Variants in MACROD2 observed in about 807,000 individuals in gnomAD.
MACROD2 encodes mono-ADP ribosylhydrolase 2.
A neutral mutation model predicts 70.4 loss-of-function variants in MACROD2; 36 were observed. The observed-to-expected ratio is 0.51, with a 90% CI of 0.39 to 0.68. The LOEUF (loss-of-function observed/expected upper bound fraction) is 0.68, where lower values mean the gene tolerates loss of function less well. Ranked by LOEUF, MACROD2 falls within the 30% of genes least tolerant of loss-of-function variation. MACROD2 has a pLI of 0.00. For missense variants in MACROD2, 496 were observed against 538.4 expected (o/e 0.92, Z 0.78); for synonymous variants, 172 against 178.8 (o/e 0.96, Z 0.30).
At chr20:15,899,179 T>C (rs1267855120) in intron 10 of MACROD2, among the ~76,000 whole-genome samples, 1 of 147,370 alleles carries the variant, frequency 6.8e-6, no homozygotes, top group Non-Finnish European at 1.5e-5. Flanking sequence ...GCTATGTATA[T>C]GTATGTATGC....
chr20:14,767,677 C>T (rs1489830263), intron 5 of MACROD2, among the ~76,000 whole-genome samples: 1 of 151,704 alleles, frequency 6.6e-6, no homozygotes. Flanking sequence ...TTCTGGAGTA[C>T]ATATGCAGAA....
chr20:15,167,954 G>A (rs1019833103), intron 5 of MACROD2, among the ~76,000 whole-genome samples: 16 of 152,184 alleles, frequency 1.1e-4, no homozygotes, highest in Non-Finnish European at 2.2e-4. Context: ...TGTGGAATAT[G>A]TAAAATTAGA....
intron 2 of MACROD2, among the ~76,000 whole-genome samples, chr20:14,019,157 A>G (rs1300921405): frequency 1.3e-5 from 2 of 152,184 alleles, no homozygotes; most frequent in Admixed American, 1.3e-4. Context: ...GATAGAGCCT[A>G]TTTATCAAGA....
intron 6 of MACROD2, among the ~76,000 whole-genome samples, chr20:15,344,935 G>T (rs900669896): frequency 3.3e-5 from 5 of 152,188 alleles, no homozygotes; most frequent in African/African-American, 1.2e-4. Context: ...ATGAACAACA[G>T]AAATGTATTC....
rs368962171 is a variant in MACROD2 at position 14,863,597 on chromosome 20, G to T, written c.418+178638G>T. 2.5e-4 allele frequency among the ~76,000 whole-genome samples: 38 copies of T among 152,094 alleles called. No homozygotes were observed. The East Asian group carries it at 6.6e-3, about 26-fold the overall frequency. On this transcript the variant is annotated intron_variant, in intron 5 of 17. Transcript: ENST00000684519. ...TCCAGAAAAATATAGTTACATAAAT[G>T]TGAGTTTCCAAATTGTAAAGAAGAA... is the stretch of plus-strand genomic sequence containing the variant.
chr20:14,184,629 C>A (rs2081330668), intron 3 of MACROD2, among the ~76,000 whole-genome samples: 1 of 151,856 alleles, frequency 6.6e-6, no homozygotes, highest in Non-Finnish European at 1.5e-5. Flanking sequence ...GCAGTAGGGC[C>A]ATTTTCACGA....
At chr20:14,382,358 A>T (rs2083430193) in intron 3 of MACROD2, among the ~76,000 whole-genome samples, 1 of 151,528 alleles carries the variant, frequency 6.6e-6, no homozygotes. Flanking sequence ...CCGTGACCAT[A>T]CAGGATTGAT....
intron 5 of MACROD2, among the ~76,000 whole-genome samples, chr20:15,006,141 A>ATATATGTG (rs141289169): frequency 2.1e-3 from 280 of 134,356 alleles, no homozygotes; most frequent in Non-Finnish European, 3.7e-3. Context: ...ATATATATAT[A>ATATATGTG]TGTGTGTGTG....
At chr20:15,974,980 T>C (rs893362252) in intron 13 of MACROD2, among the ~76,000 whole-genome samples, 7 of 151,854 alleles carry the variant, frequency 4.6e-5, no homozygotes, top group Non-Finnish European at 8.8e-5. Context: ...TGAAAACTAG[T>C]GGGAAAATAT....
intron 4 of MACROD2, among the ~76,000 whole-genome samples, chr20:14,560,366 C>T (rs939170502): frequency 4.7e-5 from 7 of 150,406 alleles, no homozygotes; most frequent in South Asian, 2.1e-4. Flanking sequence ...TATACATGCC[C>T]GGATATACAG....
intron 8 of MACROD2, among the ~76,000 whole-genome samples, chr20:15,750,414 C>T (rs1486425891): frequency 4.0e-5 from 6 of 151,880 alleles, no homozygotes; most frequent in East Asian, 3.9e-4. Context: ...GGCTTGTCCT[C>T]GAGAAAACGT....
At chr20:15,753,849 G>T (rs2051308272) in intron 8 of MACROD2, among the ~76,000 whole-genome samples, 1 of 152,074 alleles carries the variant, frequency 6.6e-6, no homozygotes, top group Admixed American at 6.6e-5. Flanking sequence ...CTTTTGATTT[G>T]CATGGCTCAC....
intron 4 of MACROD2, among the ~76,000 whole-genome samples, chr20:14,613,589 C>T (rs948451552): frequency 3.3e-5 from 5 of 152,068 alleles, no homozygotes; most frequent in Non-Finnish European, 7.4e-5. Context: ...ATTAAGGGGA[C>T]AAAACACAGT....
chr20:14,987,428 C>CT (rs1408154435), intron 5 of MACROD2, among the ~76,000 whole-genome samples: 21 of 152,032 alleles, frequency 1.4e-4, no homozygotes, highest in African/African-American at 4.6e-4. Flanking sequence ...GTTCACATAC[C>CT]TTTTTTCACT....
At chr20:15,762,436 A>G (rs2051451386) in intron 8 of MACROD2, among the ~76,000 whole-genome samples, 1 of 152,188 alleles carries the variant, frequency 6.6e-6, no homozygotes, top group Non-Finnish European at 1.5e-5. Flanking sequence ...TCTGGTAGAC[A>G]AATTACTAAC....
chr20:14,186,133 A>G (rs1425462952), intron 3 of MACROD2, among the ~76,000 whole-genome samples: 1 of 152,158 alleles, frequency 6.6e-6, no homozygotes, highest in Non-Finnish European at 1.5e-5. Context: ...CTGAATTTCC[A>G]TAGTGTGTAT....
chr20:15,154,562 G>C (rs181004803), intron 5 of MACROD2, among the ~76,000 whole-genome samples: 6 of 152,324 alleles, frequency 3.9e-5, no homozygotes, highest in African/African-American at 1.4e-4. Flanking sequence ...CAGTTCTGGA[G>C]TCTGTTAGTT....
intron 10 of MACROD2, among the ~76,000 whole-genome samples, chr20:15,899,323 C>CATGTATAG (rs2065029075): frequency 6.6e-6 from 1 of 151,778 alleles, no homozygotes; most frequent in Non-Finnish European, 1.5e-5. Context: ...TACATATATA[C>CATGTATAG]ATATACATGT....
At chr20:14,140,306 C>T (rs1010023599) in intron 3 of MACROD2, among the ~76,000 whole-genome samples, 1 of 152,202 alleles carries the variant, frequency 6.6e-6, no homozygotes, top group Admixed American at 6.5e-5. Context: ...GGAATGATCA[C>T]TGCTTTCATT....
Sources: allele counts gnomAD v4.1 joint callset (sites outside exome capture counted in the v4.1 genomes callset), GRCh38; gene constraint gnomAD v4.1.1; transcripts MANE v1.5; gene names NCBI Gene and HGNC (gene_info 2026-07-23, HGNC 2026-07-21).